COIL: variants seen among roughly 807,000 people sequenced by gnomAD.
COIL encodes the protein coilin.
Under a neutral mutation model 51.6 loss-of-function variants are expected in COIL, and 28 were observed. That is an observed-to-expected ratio of 0.54 (90% CI 0.40 to 0.74). The LOEUF (loss-of-function observed/expected upper bound fraction) is 0.74. COIL is among the 30% of genes least tolerant of loss of function. COIL has a pLI of 0.00. For missense variants in COIL, 667 were observed against 685.9 expected (o/e 0.97, Z 0.31); for synonymous variants, 233 against 255.8 (o/e 0.91, Z 0.85).
At chr17:56,958,915 C>A (rs1910529763) in intron 1 of COIL, among the ~76,000 whole-genome samples, 1 of 152,122 alleles carries the variant, frequency 6.6e-6, no homozygotes, top group Non-Finnish European at 1.5e-5. Flanking sequence ...AAATTAAATT[C>A]CCTGATGTTC....
chr17:56,951,121 C>T (rs1598096422), intron 1 of COIL, 125 bp from the exon 2 acceptor site: 3 of 935,602 alleles, frequency 3.2e-6, no homozygotes, highest in Middle Eastern at 2.8e-4. Context: ...AATGTCACAT[C>T]ACTTAAAGAC....
intron 1 of COIL, among the ~76,000 whole-genome samples, chr17:56,957,662 A>T (rs190097199): frequency 2.0e-4 from 31 of 152,210 alleles, no homozygotes; most frequent in African/African-American, 6.7e-4. Flanking sequence ...AAAATAAAAT[A>T]AAAAAACCAA....
chr17:56,954,198 T>G (rs1471433699), intron 1 of COIL, among the ~76,000 whole-genome samples: 2 of 152,272 alleles, frequency 1.3e-5, no homozygotes, highest in African/African-American at 2.4e-5. Flanking sequence ...AACCCCTTCC[T>G]TTCCTGGAAG....
chr17:56,949,658 G>T (rs1390910254), intron 3 of COIL, 23 bp downstream of exon 3: 1 of 1,595,382 alleles, frequency 6.3e-7, no homozygotes, highest in Non-Finnish European at 8.6e-7. Flanking sequence ...CTTTTTTGCT[G>T]TGACTGTTCT....
chr17:56,954,530 C>T (rs1339468162), intron 1 of COIL, among the ~76,000 whole-genome samples: 2 of 151,700 alleles, frequency 1.3e-5, no homozygotes, highest in Non-Finnish European at 2.9e-5. Flanking sequence ...CACCGCACTC[C>T]AGCCTGGCGA....
chr17:56,944,517 G>A (rs930748611), intron 5 of COIL, among the ~76,000 whole-genome samples: 19 of 151,974 alleles, frequency 1.3e-4, no homozygotes, highest in Non-Finnish European at 2.2e-4. Context: ...GCGTGAACCC[G>A]GGAGGCGGAG....
intron 5 of COIL, among the ~76,000 whole-genome samples, chr17:56,944,178 C>T (rs2144392992): frequency 1.3e-5 from 2 of 152,288 alleles, no homozygotes; most frequent in Admixed American, 1.3e-4. Context: ...GATGTCATCA[C>T]TATTAATCAC....
At chr17:56,960,519 G>A (rs1442553939) in intron 1 of COIL, among the ~76,000 whole-genome samples, 1 of 148,932 alleles carries the variant, frequency 6.7e-6, no homozygotes, top group African/African-American at 2.5e-5. Context: ...GCAGGACTCC[G>A]TCTCAAAAAA....
Position 56,960,949 on chromosome 17 carries a change from G to A in COIL, c.71C>T (p.Thr24Met). 4 of 1,614,192 alleles carry A rather than the reference G, an allele frequency of 2.5e-6. No homozygotes were observed. Among genetic ancestry groups the A allele is most frequent in the South Asian group, 1.1e-5 (1 of 91,086 alleles). The stretch of plus-strand genomic sequence containing the variant: ...CAAGTCGACCAGAAGCCAGAAGGCC[G>A]TACAGTGCGGGGTAGCTGGCGGCGG... ...DYPPPATPHC[T>M]AFWLLVDLNR... The change falls in exon 1 of 7, where the codon ACG (threonine) becomes ATG (methionine). Residue 24 changes from threonine to methionine, a missense_variant. By Grantham distance (81) the Thr-to-Met change is moderately conservative. Transcript: ENST00000240316.
chr17:56,950,720 A>AC lies in COIL; in HGVS notation c.521dup (p.Asp175Ter). ...TTCTTTTGGCCTCTTCGTTATCATC[A>AC]CCCACTGTGCCACAGGTTGCTTTAT... On this transcript the variant is annotated frameshift_variant, in exon 2 of 7. Coordinates refer to ENST00000240316, the MANE Select transcript of COIL (RefSeq NM_004645.3). LOFTEE classifies it high-confidence loss of function. The AC allele has an allele frequency of 6.2e-7, 1 of 1,612,626 alleles. No homozygotes were observed. The highest frequency in any genetic ancestry group is 8.5e-7 in the Non-Finnish European group (1 of 1,179,758).
Position 56,939,461 on chromosome 17 carries a change from A to C in COIL, c.1648-307T>G, listed in dbSNP as rs56106808. Among the ~76,000 whole-genome samples the C allele has an allele frequency of 1.8e-3, 270 of 152,174 alleles. 1 individual carries two copies. Among genetic ancestry groups the C allele is most frequent in the Non-Finnish European group, 2.6e-3 (180 of 68,008 alleles). On this transcript the variant is annotated intron_variant, in intron 6 of 6. Transcript: ENST00000240316. ...TTTTTAATTAAAAAACAAAACAAAA[A>C]AAAAGAGGCCAGGCATGGTAGCTCA...
intron 5 of COIL, among the ~76,000 whole-genome samples, chr17:56,944,026 C>G (rs1384164719): frequency 6.6e-6 from 1 of 151,370 alleles, no homozygotes; most frequent in African/African-American, 2.4e-5. Flanking sequence ...CCACCACACT[C>G]AGCTATGTTT....
At chr17:56,952,109 C>G in intron 1 of COIL, 1 of 415,002 alleles carries the variant, frequency 2.4e-6, no homozygotes, top group South Asian at 1.9e-5. Flanking sequence ...GCACCCAGCC[C>G]CATCGTCCAG....
At chr17:56,941,323 A>C (rs1191817083) in intron 6 of COIL, 1 of 152,246 alleles carries the variant, frequency 6.6e-6, no homozygotes, top group African/African-American at 2.4e-5. Flanking sequence ...GTAATCCAAC[A>C]CTTTGGGAGG....
rs3744082 is a variant in COIL at position 56,950,333 on chromosome 17, G to A, written c.909C>T (p.Thr303=). ...TTCCAGAGGTCTTGCCCTTGCTGGG[G>A]GTAAGGCTAAAGCCAAGTTTTATAG... The part of the protein sequence containing the change: ...KLAIKLGFSL[T]PSKGKTSGTT... The change falls in exon 2 of 7, where the codon ACC becomes ACT. Residue 303 remains threonine, a synonymous_variant. Coordinates refer to ENST00000240316, the MANE Select transcript of COIL (RefSeq NM_004645.3). The A allele has an allele frequency of 5.0e-4, 808 of 1,614,196 alleles. 5 individuals carry two copies. The East Asian group carries it at 0.015, about 30-fold the overall frequency.
At chr17:56,960,532 A>T (rs199741594) in intron 1 of COIL, among the ~76,000 whole-genome samples, 2,044 of 148,284 alleles carry the variant, frequency 0.014, 30 homozygotes, top group East Asian at 0.084. Context: ...TCAAAAAAAA[A>T]AAAATAATAA....
Position 56,960,975 on chromosome 17 carries a change from G to A in COIL, c.45C>T (p.Tyr15=), listed in dbSNP as rs1261567461. 14 of 1,614,006 alleles carry A rather than the reference G, an allele frequency of 8.7e-6. No individual in the cohort carries two copies. Among genetic ancestry groups the A allele is most frequent in the African/African-American group, 1.3e-5 (1 of 74,934 alleles). Reference sequence around the variant, plus strand: ...TACAGTGCGGGGTAGCTGGCGGCGGGTAATCAAATTGAAGCCGTAGCCTAA... The same window carrying A: ...TACAGTGCGGGGTAGCTGGCGGCGGATAATCAAATTGAAGCCGTAGCCTAA... ...ETVRLRLQFD[Y]PPPATPHCTA... is the part of the protein sequence containing the mutation. Residue 15 remains tyrosine (Y), a synonymous_variant, in exon 1 of 7, where the codon TAC becomes TAT. Coordinates refer to ENST00000240316, the MANE Select transcript of COIL (RefSeq NM_004645.3).
At chr17:56,947,207 A>T (rs1008942758) in intron 4 of COIL, among the ~76,000 whole-genome samples, 19 of 152,126 alleles carry the variant, frequency 1.2e-4, no homozygotes, top group African/African-American at 4.6e-4. Context: ...AGTTTTTTTT[A>T]AAACCAGACT....
intron 1 of COIL, among the ~76,000 whole-genome samples, chr17:56,956,621 T>C (rs1356996992): frequency 6.6e-6 from 1 of 152,236 alleles, no homozygotes; most frequent in East Asian, 1.9e-4. Context: ...AGGTAGGGTC[T>C]CACTCTGTCG....
Sources: allele counts gnomAD v4.1 joint callset (sites outside exome capture counted in the v4.1 genomes callset), GRCh38; gene constraint gnomAD v4.1.1; transcripts MANE v1.5; gene names NCBI Gene and HGNC (gene_info 2026-07-23, HGNC 2026-07-21).